ANK3: variants seen among roughly 807,000 people sequenced by gnomAD.
ANK3 encodes ankyrin-3.
Under a neutral mutation model 370.9 loss-of-function variants are expected in ANK3, and 57 were observed. The observed-to-expected ratio is 0.15, with a 90% CI of 0.12 to 0.19. ANK3 has a LOEUF of 0.19. Among genes scored for constraint, ANK3 ranks in the 10% least tolerant of loss-of-function variants. The pLI is 1.00. For missense variants in ANK3, 4,439 were observed against 5,302.1 expected (o/e 0.84, Z 5.06); for synonymous variants, 1,929 against 1,946.3 (o/e 0.99, Z 0.23).
intron 2 of ANK3, among the ~76,000 whole-genome samples, chr10:60,607,621 C>T (rs2078145741): frequency 6.6e-6 from 1 of 152,142 alleles, no homozygotes; most frequent in African/African-American, 2.4e-5. Context: ...ATCTTAATTG[C>T]TGACTCTTTC....
At chr10:60,636,756 A>G (rs2078560612) in intron 1 of ANK3, among the ~76,000 whole-genome samples, 1 of 152,202 alleles carries the variant, frequency 6.6e-6, no homozygotes, top group South Asian at 2.1e-4. Flanking sequence ...AAAACAAGCA[A>G]CAAAAAAGAG....
chr10:60,440,180 C>A (rs916483223), intron 2 of ANK3, among the ~76,000 whole-genome samples: 1 of 152,006 alleles, frequency 6.6e-6, no homozygotes, highest in Non-Finnish European at 1.5e-5. Context: ...CACCTCCTTG[C>A]CCTTGACTCG....
At chr10:60,644,741 A>G (rs2078685297) in intron 1 of ANK3, among the ~76,000 whole-genome samples, 1 of 151,816 alleles carries the variant, frequency 6.6e-6, no homozygotes, top group East Asian at 1.9e-4. Context: ...ACAGAAAAGT[A>G]TAATTGTGAG....
At chr10:60,127,932 C>T (rs1256920680) in intron 25 of ANK3, among the ~76,000 whole-genome samples, 3 of 152,030 alleles carry the variant, frequency 2.0e-5, no homozygotes, top group Non-Finnish European at 2.9e-5. Flanking sequence ...CTCCTTACCT[C>T]GTGATCTGCC....
intron 42 of ANK3, chr10:60,043,890 T>C: frequency 1.0e-6 from 1 of 984,396 alleles, no homozygotes; most frequent in Non-Finnish European, 1.2e-6. Context: ...AAAAAAAAAG[T>C]ATGTAACAAA....
chr10:60,442,960 A>G (rs77157280), intron 2 of ANK3, among the ~76,000 whole-genome samples: 13,011 of 152,278 alleles, frequency 0.085, 660 homozygotes, highest in South Asian at 0.16. Context: ...ATACATGTAA[A>G]GTTATACAGT....
chr10:60,055,183 G>A (rs781446864), intron 42 of ANK3, among the ~76,000 whole-genome samples: 21 of 151,970 alleles, frequency 1.4e-4, no homozygotes, highest in Admixed American at 1.2e-3. Context: ...TTTAAAACAC[G>A]CTTTCAGACA....
At chr10:60,103,305 G>T (rs969966561) in intron 28 of ANK3, among the ~76,000 whole-genome samples, 1 of 152,072 alleles carries the variant, frequency 6.6e-6, no homozygotes, top group African/African-American at 2.4e-5. Flanking sequence ...TTTAATTCAG[G>T]AACTATTTTT....
chr10:60,341,914 A>G (rs573865921), intron 1 of ANK3, among the ~76,000 whole-genome samples: 153 of 152,320 alleles, frequency 1.0e-3, no homozygotes, highest in African/African-American at 3.6e-3. Context: ...CCCAAAAAAA[A>G]GAAGTATCTC....
At chr10:60,262,632 A>C (rs2097823961) in intron 6 of ANK3, among the ~76,000 whole-genome samples, 1 of 152,152 alleles carries the variant, frequency 6.6e-6, no homozygotes, top group Non-Finnish European at 1.5e-5. Flanking sequence ...TGCATTTCTA[A>C]TTTGTTAGCA....
intron 8 of ANK3, among the ~76,000 whole-genome samples, chr10:60,225,274 G>A (rs2097122903): frequency 6.6e-6 from 1 of 151,884 alleles, no homozygotes; most frequent in East Asian, 1.9e-4. Flanking sequence ...CATTTTTTTT[G>A]TGTTAGGCAG....
chr10:60,301,952 T>C (rs2043909576), intron 1 of ANK3, among the ~76,000 whole-genome samples: 1 of 152,194 alleles, frequency 6.6e-6, no homozygotes, highest in Non-Finnish European at 1.5e-5. Flanking sequence ...AACATGACCA[T>C]GGTAGGCTCA....
intron 1 of ANK3, among the ~76,000 whole-genome samples, chr10:60,725,292 C>G (rs965576142): frequency 1.3e-5 from 2 of 152,158 alleles, no homozygotes; most frequent in Non-Finnish European, 2.9e-5. Flanking sequence ...TCCTCTCCCC[C>G]AAGCAATGCT....
intron 2 of ANK3, among the ~76,000 whole-genome samples, chr10:60,533,877 T>C (rs1442272397): frequency 6.6e-6 from 1 of 152,150 alleles, no homozygotes; most frequent in East Asian, 1.9e-4. Flanking sequence ...AAGATTTATC[T>C]TTGTAATATG....
chr10:60,644,769 A>G (rs971956500), intron 1 of ANK3, among the ~76,000 whole-genome samples: 1 of 150,218 alleles, frequency 6.7e-6, no homozygotes, highest in East Asian at 2.0e-4. Context: ...GTAGGGAGGT[A>G]TTCAATACTT....
chr10:60,278,217 A>T (rs185426860), intron 4 of ANK3, among the ~76,000 whole-genome samples: 155 of 152,302 alleles, frequency 1.0e-3, no homozygotes, highest in Non-Finnish European at 1.8e-3. Context: ...GATTGAACCT[A>T]AGCTAGCATC....
In ANK3 at chr10:60,214,557, T is replaced by C. The variant is rs190550665; in HGVS notation, c.898-1047A>G. 2.0e-5 allele frequency among the ~76,000 whole-genome samples: 3 copies of C among 152,232 alleles called. No individual in the cohort carries two copies. The East Asian group carries it at 5.8e-4, about 29-fold the overall frequency. On this transcript the variant is annotated intron_variant, in intron 8 of 43. Transcript: ENST00000280772. ...CCCTGGTGTGTGTTGTTCCTCTCTC[T>C]ATGTCCATGTGTTCTCATTGTTCAT...
intron 2 of ANK3, among the ~76,000 whole-genome samples, chr10:60,610,710 G>GA (rs1302141942): frequency 6.6e-6 from 1 of 152,008 alleles, no homozygotes; most frequent in Non-Finnish European, 1.5e-5. Flanking sequence ...AAACCTGTAG[G>GA]AAAAAAATAA....
chr10:60,108,295 C>T, intron 27 of ANK3: 1 of 385,890 alleles, frequency 2.6e-6, no homozygotes, highest in Non-Finnish European at 5.1e-6. Context: ...TACTGAATAA[C>T]ATCCATGCAG....
Sources: allele counts gnomAD v4.1 joint callset (sites outside exome capture counted in the v4.1 genomes callset), GRCh38; gene constraint gnomAD v4.1.1; transcripts MANE v1.5; gene names NCBI Gene and HGNC (gene_info 2026-07-23, HGNC 2026-07-21).